Variants in AQR observed in about 807,000 individuals in gnomAD.
AQR encodes the protein aquarius intron-binding spliceosomal factor, also known as RNA helicase aquarius.
A neutral mutation model predicts 180.5 loss-of-function variants in AQR; 61 were observed. The observed-to-expected ratio is 0.34, with a 90% CI of 0.28 to 0.42. The LOEUF is 0.42. Among genes scored for constraint, AQR ranks in the 10% least tolerant of loss-of-function variants. The pLI, the probability that AQR is intolerant of heterozygous loss-of-function variation, is 1.00. For missense variants in AQR, 1,281 were observed against 1,798.3 expected (o/e 0.71, Z 5.20); for synonymous variants, 551 against 588.8 (o/e 0.94, Z 0.93).
intron 6 of AQR, among the ~76,000 whole-genome samples, chr15:34,942,915 A>G (rs886593591): frequency 1.3e-5 from 2 of 152,346 alleles, no homozygotes; most frequent in East Asian, 3.9e-4. Flanking sequence ...ATAATAAACT[A>G]GTTTGGTAAG....
At chr15:34,900,567 T>TAA in intron 20 of AQR, 55 bp downstream of exon 20, 2 of 1,565,248 alleles carry the variant, frequency 1.3e-6, no homozygotes, top group Non-Finnish European at 1.7e-6. Context: ...CCTGATGGCA[T>TAA]AACGTACATT....
intron 7 of AQR, among the ~76,000 whole-genome samples, chr15:34,941,636 T>C (rs1167725334): frequency 1.3e-5 from 2 of 152,104 alleles, no homozygotes; most frequent in Non-Finnish European, 2.9e-5. Context: ...ATAAAGACTT[T>C]ATGGAAAAAT....
chr15:34,964,760 A>AC (rs11422932), intron 1 of AQR, among the ~76,000 whole-genome samples: 6 of 17,098 alleles, frequency 3.5e-4, no homozygotes. Flanking sequence ...AACAAAACCT[A>AC]AAAAAAAAAA....
In AQR at chr15:34,886,519, A is replaced by G; in HGVS notation, c.2817+7T>C. 1 of 1,599,930 alleles carries G rather than the reference A, an allele frequency of 6.3e-7. No individual in the cohort carries two copies. Among genetic ancestry groups the G allele is most frequent in the East Asian group, 2.2e-5 (1 of 44,770 alleles). On this transcript the variant is annotated splice_region_variant and intron_variant, in intron 25 of 34. Transcript: ENST00000156471. ...GAAGTATGATTCAAAAACCCTTAAT[A>G]TCTTACCTGGTATAAGAAGAAATAG...
chr15:34,963,184 G>A (rs923856336), intron 2 of AQR, among the ~76,000 whole-genome samples: 1 of 152,070 alleles, frequency 6.6e-6, no homozygotes, highest in African/African-American at 2.4e-5. Flanking sequence ...TCTCACTACT[G>A]TCCAGTCTAG....
At chr15:34,862,699 A>G (rs920586747) in intron 33 of AQR, among the ~76,000 whole-genome samples, 168 bp downstream of exon 33, 4 of 152,142 alleles carry the variant, frequency 2.6e-5, no homozygotes, top group African/African-American at 7.2e-5. Context: ...CGCCCTACCG[A>G]TATCATTTTT....
chr15:34,958,922 C>T (rs1894371045), intron 3 of AQR, among the ~76,000 whole-genome samples: 1 of 152,048 alleles, frequency 6.6e-6, no homozygotes, highest in African/African-American at 2.4e-5. Flanking sequence ...ATCCTCTAAC[C>T]ACACTTTAAT....
At chr15:34,891,054 AC>A (rs923902854) in intron 23 of AQR, among the ~76,000 whole-genome samples, 1 of 152,098 alleles carries the variant, frequency 6.6e-6, no homozygotes, top group East Asian at 1.9e-4. Context: ...CACTAGTCCA[AC>A]CCTGCCTGTG....
At chr15:34,942,692 A>C (rs1417584488) in intron 6 of AQR, among the ~76,000 whole-genome samples, 1 of 152,228 alleles carries the variant, frequency 6.6e-6, no homozygotes, top group African/African-American at 2.4e-5. Flanking sequence ...ACAATAAATA[A>C]GCTGTCTTTA....
At position 34,904,374 on chromosome 15, in the gene AQR, TATTAA is replaced by T; in HGVS notation, c.1958_1962del (p.Phe653TyrfsTer11). 6.2e-7 allele frequency: 1 copy of T among 1,605,346 alleles called. No individual in the cohort carries two copies. Reference sequence around the variant, plus strand: ...TCCTTTGGTTTTCTCCTCATTATTATATTAAAAGTTTCATACACATCCTCTGCTCC... The same window carrying T: ...TCCTTTGGTTTTCTCCTCATTATTATAAGTTTCATACACATCCTCTGCTCC... On this transcript the variant is annotated frameshift_variant, in exon 19 of 35. Coordinates refer to ENST00000156471, the MANE Select transcript of AQR (RefSeq NM_014691.3). LOFTEE classifies it high-confidence loss of function.
chr15:34,884,149 G>A (rs1287514538), intron 26 of AQR, among the ~76,000 whole-genome samples: 1 of 152,164 alleles, frequency 6.6e-6, no homozygotes, highest in Non-Finnish European at 1.5e-5. Context: ...GCTCACACCT[G>A]TAATCTCAGC....
chr15:34,959,202 G>A (rs1894379473), intron 3 of AQR, among the ~76,000 whole-genome samples: 1 of 152,084 alleles, frequency 6.6e-6, no homozygotes, highest in Non-Finnish European at 1.5e-5. Flanking sequence ...TCACTCTGTT[G>A]CCCAGGCTAG....
chr15:34,899,306 A>T (rs1487684459), intron 20 of AQR, among the ~76,000 whole-genome samples: 1 of 152,202 alleles, frequency 6.6e-6, no homozygotes, highest in African/African-American at 2.4e-5. Context: ...TGTCTTTGCC[A>T]TAAATAGGAT....
At position 34,856,618 on chromosome 15, in the gene AQR, T is replaced by C. The variant is rs1261057135; in HGVS notation, c.*174A>G. On this transcript the variant is annotated 3_prime_UTR_variant, in exon 35 of 35. Coordinates refer to ENST00000156471, the MANE Select transcript of AQR (RefSeq NM_014691.3). Reference sequence around the variant, plus strand: ...GATTGAACAAATGAAACTAGAATTGTTCATACACATAATTTAAAAAAATAT... The same window carrying C: ...GATTGAACAAATGAAACTAGAATTGCTCATACACATAATTTAAAAAAATAT... 1.2e-5 allele frequency: 6 copies of C among 515,080 alleles called. No individual in the cohort carries two copies. The highest frequency in any genetic ancestry group is 7.7e-5 in the African/African-American group (4 of 52,260). 31.9% of individuals were successfully genotyped at this position (515,080 alleles called of 1,614,324 possible). A position where few individuals can be genotyped will look rare whatever the true frequency, so the allele number is the denominator to read the frequency against.
Position 34,918,324 on chromosome 15 carries a change from A to G in AQR, c.1276T>C (p.Leu426=). The stretch of plus-strand genomic sequence containing the variant: ...CATATAATTTTCTCAGTTGGATACA[A>G]AGGCATCTGGTTCAACTGCTGAATC... ...SQIQQLNQMP[L]YPTEKIIWDE... is the part of the protein sequence containing the mutation. The change falls in exon 15 of 35, where the codon TTG becomes CTG. Residue 426 remains leucine (L), a synonymous_variant. Coordinates refer to ENST00000156471, the MANE Select transcript of AQR (RefSeq NM_014691.3). 6.2e-7 allele frequency: 1 copy of G among 1,613,866 alleles called. No homozygotes were observed. The highest frequency in any genetic ancestry group is 8.5e-7 in the Non-Finnish European group (1 of 1,179,850).
chr15:34,854,066 G>T lies in AQR; in HGVS notation c.*2726C>A, dbSNP rs1595776698. 6.7e-6 allele frequency: 1 copy of T among 148,992 alleles called. No homozygotes were observed. The highest frequency in any genetic ancestry group is 6.8e-5 in the Admixed American group (1 of 14,806). 9.2% of individuals were successfully genotyped at this position (148,992 alleles called of 1,614,324 possible). A position where few individuals can be genotyped will look rare whatever the true frequency, so the allele number is the denominator to read the frequency against. On this transcript the variant is annotated 3_prime_UTR_variant, in exon 35 of 35. Transcript: ENST00000156471. The stretch of plus-strand genomic sequence containing the variant: ...TTACACCAACTTTGGGAGTCTTGAT[G>T]ATGTTTAAATCTTCTCATTCATTTG...
chr15:34,937,991 G>A (rs1405961221), intron 9 of AQR, among the ~76,000 whole-genome samples: 1 of 151,324 alleles, frequency 6.6e-6, no homozygotes, highest in East Asian at 1.9e-4. Context: ...AGCTATGATG[G>A]AGGAAAATCC....
Position 34,885,069 on chromosome 15 carries a change from T to C in AQR, c.2818-335A>G, listed in dbSNP as rs556168709. 8.5e-5 allele frequency among the ~76,000 whole-genome samples: 13 copies of C among 152,300 alleles called. No individual in the cohort carries two copies. In the South Asian group the frequency reaches 1.7e-3, roughly 19 times the overall value. On this transcript the variant is annotated intron_variant, in intron 25 of 34. Transcript: ENST00000156471. ...TTATTATTAACGCTTAAAAGAAATG[T>C]AAAGGAAAGAAAGCTCTCTGGACAA...
rs1892577313 is a variant in AQR at position 34,855,588 on chromosome 15, G to A, written c.*1204C>T. 1 of 150,390 alleles carries A rather than the reference G, an allele frequency of 6.6e-6. No homozygotes were observed. Among genetic ancestry groups the A allele is most frequent in the Non-Finnish European group, 1.5e-5 (1 of 67,888 alleles). The allele number at this position is 150,390 out of a possible 1,614,324, so 9.3% of individuals were successfully genotyped here. On this transcript the variant is annotated 3_prime_UTR_variant, in exon 35 of 35. Transcript: ENST00000156471. Reference sequence around the variant, plus strand: ...CATGCCCAGGGACCTTGTAAGCAGAGGTCCCTTGTCAGAAAACATTAGTCA... The same window carrying A: ...CATGCCCAGGGACCTTGTAAGCAGAAGTCCCTTGTCAGAAAACATTAGTCA...
Sources: allele counts gnomAD v4.1 joint callset (sites outside exome capture counted in the v4.1 genomes callset), GRCh38; gene constraint gnomAD v4.1.1; transcripts MANE v1.5; gene names NCBI Gene and HGNC (gene_info 2026-07-23, HGNC 2026-07-21).